Variants in GRK1 observed in about 807,000 individuals in gnomAD.
GRK1 encodes the protein rhodopsin kinase GRK1.
GRK1 carries 28 observed loss-of-function variants against 41.7 expected under a neutral mutation model. The observed-to-expected ratio is 0.67, with a 90% CI of 0.50 to 0.92. The LOEUF (loss-of-function observed/expected upper bound fraction) is 0.92. Ranked by LOEUF, GRK1 falls within the 40% of genes least tolerant of loss-of-function variation. GRK1 has a pLI of 0.00. For synonymous variants in GRK1, 327 were observed against 286.7 expected, an observed-to-expected ratio of 1.14 and a Z score of -1.42; for missense variants, 703 against 671.2, an observed-to-expected ratio of 1.05 and a Z score of -0.52.
intron 6 of GRK1, among the ~76,000 whole-genome samples, chr13:113,733,730 CGTGT>C (rs1405050039): frequency 1.3e-5 from 1 of 77,712 alleles, no homozygotes; most frequent in African/African-American, 4.9e-5. Flanking sequence ...TGTGTGCGCG[CGTGT>C]GTATGTGTGC....
At chr13:113,734,730 G>A in intron 6 of GRK1, 1 of 208,162 alleles carries the variant, frequency 4.8e-6, no homozygotes, top group East Asian at 1.1e-4. Flanking sequence ...GGGAAGGCGT[G>A]TTCGGGGAGG....
chr13:113,653,702 C>T, the GRK1 span, among the ~76,000 whole-genome samples: 7 of 152,230 alleles, frequency 4.6e-5, no homozygotes, highest in African/African-American at 1.4e-4. Flanking sequence ...CCACCGGGTG[C>T]CTGCTCTGTG....
intron 4 of GRK1, among the ~76,000 whole-genome samples, chr13:113,723,844 GTC>G (rs1491520263): frequency 6.6e-6 from 1 of 151,436 alleles, no homozygotes; most frequent in Non-Finnish European, 1.5e-5. Context: ...GTGCACACGT[GTC>G]TGTGTGCCTG....
Position 113,733,961 on chromosome 13 carries a change from T to TGTGTATGTGTGTGTGCATAC in GRK1, c.1396+880_1396+881insATGTGTGTGTGCATACGTGT, listed in dbSNP as rs1335323164. ...ACGTGTGTGCGTGTGTGTGCATACG[T>TGTGTATGTGTGTGTGCATAC]GTGTGTGCGTGTGTGCGCATGTGTG... On this transcript the variant is annotated intron_variant, in intron 6 of 6. Transcript: ENST00000335678. Among the ~76,000 whole-genome samples, 29 of 125,844 alleles carry TGTGTATGTGTGTGTGCATAC rather than the reference T, an allele frequency of 2.3e-4. 1 individual carries two copies. The highest frequency in any genetic ancestry group is 7.7e-4 in the African/African-American group (28 of 36,166). The allele number at this position is 125,844 out of a possible 152,430, so 82.6% of individuals were successfully genotyped here. A position where few individuals can be genotyped will look rare whatever the true frequency, so the allele number is the denominator to read the frequency against.
intron 6 of GRK1, 145 bp downstream of exon 6, chr13:113,733,230 C>CA (rs2049950672): frequency 1.4e-6 from 1 of 714,494 alleles, no homozygotes; most frequent in Non-Finnish European, 2.3e-6. Flanking sequence ...GCAAGGCCCC[C>CA]AGTCCTCCAC....
At chr13:113,656,194 C>T in the GRK1 span, among the ~76,000 whole-genome samples, 1 of 152,242 alleles carries the variant, frequency 6.6e-6, no homozygotes, top group East Asian at 1.9e-4. Context: ...CTGGTGCTGG[C>T]CCTGCAGGTC....
At chr13:113,664,345 C>T (rs2049805570), upstream of GRK1, among the ~76,000 whole-genome samples, 1 of 152,110 alleles carries the variant, frequency 6.6e-6, no homozygotes, top group African/African-American at 2.4e-5. The surrounding 1 kb of genome is among the most constrained non-coding windows in gnomAD (Gnocchi z 5.4). Context: ...TTACAGGAGA[C>T]AGAGTTAAGG....
chr13:113,649,568 CAA>C, the GRK1 span: 2 of 1,456,174 alleles, frequency 1.4e-6, no homozygotes, highest in African/African-American at 2.9e-5. This position sits in a 1 kb window ranked among gnomAD's most constrained non-coding sequence, Gnocchi z 4.7. Flanking sequence ...ACAGGTGTTT[CAA>C]AAATCTCTGA....
the GRK1 span, among the ~76,000 whole-genome samples, chr13:113,648,306 C>T: frequency 2.0e-5 from 3 of 152,216 alleles, 1 homozygote; most frequent in South Asian, 4.1e-4. Context: ...CTTCCAAGAC[C>T]GTTTCTCATG....
chr13:113,656,160 C>T, the GRK1 span, among the ~76,000 whole-genome samples: 2 of 152,220 alleles, frequency 1.3e-5, no homozygotes, highest in African/African-American at 4.8e-5. Flanking sequence ...TCTGTCCTGT[C>T]ACTGGATCAC....
At chr13:113,660,255 A>G in the GRK1 span, among the ~76,000 whole-genome samples, 1 of 152,162 alleles carries the variant, frequency 6.6e-6, no homozygotes, top group African/African-American at 2.4e-5. Flanking sequence ...GTCAGACACA[A>G]CGTAGTAGAA....
At chr13:113,649,460 T>C in the GRK1 span, 8 of 1,567,258 alleles carry the variant, frequency 5.1e-6, no homozygotes, top group Non-Finnish European at 6.9e-6. This position sits in a 1 kb window ranked among gnomAD's most constrained non-coding sequence, Gnocchi z 4.7. Flanking sequence ...GCCATGACCT[T>C]GCACACGATG....
intron 2 of GRK1, among the ~76,000 whole-genome samples, chr13:113,670,056 G>A (rs1049466494): frequency 3.9e-5 from 6 of 152,172 alleles, no homozygotes; most frequent in African/African-American, 1.4e-4. Flanking sequence ...TCCTGTGTGT[G>A]GTCTTGGTGT....
chr13:113,735,590 G>A lies in GRK1; in HGVS notation c.*227G>A, dbSNP rs969973434. ...GTGAGCCCCCGACTGCATATTTCAC[G>A]TCTTTTGCTCCATCTCACTGAGAAG... On this transcript the variant is annotated 3_prime_UTR_variant, in exon 7 of 7. Transcript: ENST00000335678. The A allele has an allele frequency of 5.5e-5, 26 of 469,968 alleles. No individual in the cohort carries two copies. Among genetic ancestry groups the A allele is most frequent in the East Asian group, 2.3e-4 (7 of 30,082 alleles). The allele number at this position is 469,968 out of a possible 1,614,324, so 29.1% of individuals were successfully genotyped here.
chr13:113,652,166 G>T, the GRK1 span, among the ~76,000 whole-genome samples: 2 of 152,152 alleles, frequency 1.3e-5, no homozygotes, highest in Non-Finnish European at 2.9e-5. Context: ...GGCTTCTCCA[G>T]CCCCAGCCAT....
intron 1 of GRK1, among the ~76,000 whole-genome samples, chr13:113,668,598 C>T (rs1012548732): frequency 6.6e-5 from 10 of 152,248 alleles, no homozygotes; most frequent in African/African-American, 1.4e-4. Context: ...GTGCTGTCCT[C>T]GGGGGTGGGA....
At chr13:113,729,799 A>C (rs2049920464) in intron 4 of GRK1, among the ~76,000 whole-genome samples, 3 of 140,542 alleles carry the variant, frequency 2.1e-5, no homozygotes, top group Non-Finnish European at 3.1e-5. Context: ...CCACCCCTCC[A>C]TCCCGAGACA....
At chr13:113,733,908 T>C (rs1349318474) in intron 6 of GRK1, among the ~76,000 whole-genome samples, 3 of 109,426 alleles carry the variant, frequency 2.7e-5, no homozygotes, top group African/African-American at 1.3e-4. Flanking sequence ...TATGTGTGCA[T>C]ACAGTGTGCG....
At chr13:113,652,706 C>T in the GRK1 span, 3 of 759,552 alleles carry the variant, frequency 3.9e-6, no homozygotes, top group South Asian at 2.9e-5. Flanking sequence ...CTAAGAACCA[C>T]ACGGGACAGG....
Sources: allele counts gnomAD v4.1 joint callset (sites outside exome capture counted in the v4.1 genomes callset), GRCh38; gene constraint gnomAD v4.1.1; non-coding constraint Gnocchi (gnomAD v3.1); transcripts MANE v1.5; gene names NCBI Gene and HGNC (gene_info 2026-07-23, HGNC 2026-07-21).